CTNNA2: variants seen among roughly 807,000 people sequenced by gnomAD.
CTNNA2 encodes the protein catenin alpha 2.
Under a neutral mutation model 101.0 loss-of-function variants are expected in CTNNA2, and 42 were observed. The observed-to-expected ratio is 0.42, with a 90% confidence interval of 0.32 to 0.54. CTNNA2 has a LOEUF of 0.54. CTNNA2 is among the 20% of genes least tolerant of loss of function. CTNNA2 has a pLI of 0.14. For missense variants in CTNNA2, 871 were observed against 1,223.1 expected, an observed-to-expected ratio of 0.71 and a Z score of 4.29; for synonymous variants, 450 against 456.4, an observed-to-expected ratio of 0.99 and a Z score of 0.18.
chr2:80,167,733 A>T (rs1430686460), intron 7 of CTNNA2, among the ~76,000 whole-genome samples: 3 of 152,232 alleles, frequency 2.0e-5, no homozygotes, highest in Non-Finnish European at 4.4e-5. Context: ...TTGAATGGTT[A>T]TCAGGAATTA....
At chr2:80,420,220 A>G (rs1352410741) in intron 9 of CTNNA2, among the ~76,000 whole-genome samples, 1 of 152,096 alleles carries the variant, frequency 6.6e-6, no homozygotes, top group African/African-American at 2.4e-5. Context: ...GAAAAAAAAT[A>G]TTGTACAAAG....
intron 4 of CTNNA2, among the ~76,000 whole-genome samples, chr2:79,487,439 C>T (rs62141413): frequency 0.32 from 49,095 of 152,058 alleles, 8,517 homozygotes; most frequent in African/African-American, 0.44. Flanking sequence ...GTGTAGTGAA[C>T]ATTCTGGGAC....
intron 3 of CTNNA2, among the ~76,000 whole-genome samples, chr2:79,776,523 A>G (rs1457160653): frequency 2.0e-5 from 3 of 152,202 alleles, no homozygotes; most frequent in Non-Finnish European, 4.4e-5. Flanking sequence ...GACAATTAGG[A>G]GATGGCAGAG....
intron 7 of CTNNA2, among the ~76,000 whole-genome samples, chr2:80,367,912 G>A (rs1298047142): frequency 7.8e-6 from 1 of 127,840 alleles, no homozygotes; most frequent in Non-Finnish European, 1.6e-5. Context: ...ATTTCAGGTG[G>A]GATTGTGTTT....
chr2:80,086,306 A>C (rs748363145), intron 7 of CTNNA2, among the ~76,000 whole-genome samples: 34 of 152,000 alleles, frequency 2.2e-4, no homozygotes, highest in Non-Finnish European at 4.7e-4. Flanking sequence ...TATAGGAGGA[A>C]CTCAGTTTTG....
At chr2:80,462,962 T>C (rs577291110) in intron 9 of CTNNA2, among the ~76,000 whole-genome samples, 1 of 152,262 alleles carries the variant, frequency 6.6e-6, no homozygotes, top group African/African-American at 2.4e-5. Flanking sequence ...TTAGTCTATT[T>C]TTCCTCCCTA....
At chr2:79,548,038 A>G (rs1673849732) in intron 1 of CTNNA2, 1 of 152,208 alleles carries the variant, frequency 6.6e-6, no homozygotes, top group South Asian at 2.1e-4. Context: ...GGGATGTACT[A>G]TAAGTAAGAA....
At chr2:80,616,086 A>G (rs1447285214) in intron 17 of CTNNA2, among the ~76,000 whole-genome samples, 1 of 151,706 alleles carries the variant, frequency 6.6e-6, no homozygotes, top group African/African-American at 2.4e-5. Flanking sequence ...CCTTGCTGAT[A>G]ATGAAATTGA....
At chr2:80,272,809 G>A (rs181569631) in intron 7 of CTNNA2, among the ~76,000 whole-genome samples, 2 of 152,278 alleles carry the variant, frequency 1.3e-5, no homozygotes, top group Admixed American at 6.5e-5. Context: ...CTGTATTTGT[G>A]TTTATTAAAT....
chr2:79,835,683 T>TTTTTTTTTGTTTTTTTG (rs1558565779), intron 3 of CTNNA2, among the ~76,000 whole-genome samples: 1 of 129,670 alleles, frequency 7.7e-6, no homozygotes, highest in African/African-American at 3.1e-5. Context: ...TTTTTTTTTT[T>TTTTTTTTTGTTTTTTTG]TTTTTTTTTT....
intron 7 of CTNNA2, among the ~76,000 whole-genome samples, chr2:79,972,781 A>G (rs1461605825): frequency 1.2e-4 from 18 of 152,194 alleles, no homozygotes; most frequent in Admixed American, 1.2e-3. Context: ...AATGAAAGAA[A>G]CAAGGGAGAG....
At chr2:79,540,768 G>T (rs956420026) in intron 1 of CTNNA2, among the ~76,000 whole-genome samples, 1 of 152,260 alleles carries the variant, frequency 6.6e-6, no homozygotes, top group African/African-American at 2.4e-5. Context: ...TTGATTCCGT[G>T]ACTTTGCTTT....
chr2:79,743,452 A>G (rs747351449), intron 2 of CTNNA2, among the ~76,000 whole-genome samples: 6 of 152,152 alleles, frequency 3.9e-5, no homozygotes, highest in African/African-American at 9.6e-5. Context: ...TTATGATTCT[A>G]GAAACTTTAG....
chr2:79,912,272 T>C (rs2104335964), intron 7 of CTNNA2, among the ~76,000 whole-genome samples: 1 of 152,352 alleles, frequency 6.6e-6, no homozygotes. Flanking sequence ...TCTAAAATTG[T>C]ATACATGCCA....
At chr2:79,839,149 ACTGT>A (rs1679613159) in intron 3 of CTNNA2, among the ~76,000 whole-genome samples, 1 of 152,044 alleles carries the variant, frequency 6.6e-6, no homozygotes. Context: ...TTTCTCTGGA[ACTGT>A]CTATTTTACT....
chr2:79,550,138 GA>G (rs1674002939), intron 1 of CTNNA2, among the ~76,000 whole-genome samples: 1 of 152,158 alleles, frequency 6.6e-6, no homozygotes, highest in Non-Finnish European at 1.5e-5. Flanking sequence ...AATGTCAAGT[GA>G]AATTCTGTTT....
chr2:79,909,007 C>A (rs1360912686), intron 6 of CTNNA2, among the ~76,000 whole-genome samples: 1 of 152,172 alleles, frequency 6.6e-6, no homozygotes, highest in Non-Finnish European at 1.5e-5. Flanking sequence ...TATAAGGATA[C>A]TGTCAGTTAT....
chr2:79,636,433 G>T lies in CTNNA2; in HGVS notation c.-5-15119G>T, dbSNP rs181894911. 4.3e-3 allele frequency among the ~76,000 whole-genome samples: 654 copies of T among 152,058 alleles called. 6 individuals carry two copies. The highest frequency in any genetic ancestry group is 0.015 in the African/African-American group (622 of 41,502). Reference sequence around the variant, plus strand: ...GGAGTCCAAAGCAGAACCATGAAGGGCATGGGTCTAGAAGAAGAGGGTACA... The same window carrying T: ...GGAGTCCAAAGCAGAACCATGAAGGTCATGGGTCTAGAAGAAGAGGGTACA... On this transcript the variant is annotated intron_variant, in intron 1 of 18. Coordinates refer to ENST00000402739, the MANE Select transcript of CTNNA2 (RefSeq NM_001282597.3).
intron 9 of CTNNA2, among the ~76,000 whole-genome samples, chr2:80,437,030 T>C (rs907419741): frequency 7.8e-4 from 119 of 152,156 alleles, no homozygotes; most frequent in African/African-American, 2.6e-3. Context: ...ATAAATGATA[T>C]TAATGCCCTT....
Sources: allele counts gnomAD v4.1 joint callset (sites outside exome capture counted in the v4.1 genomes callset), GRCh38; gene constraint gnomAD v4.1.1; transcripts MANE v1.5; gene names NCBI Gene and HGNC (gene_info 2026-07-23, HGNC 2026-07-21).